DCHS2: variants seen among roughly 807,000 people sequenced by gnomAD.
The protein encoded by DCHS2 is dachsous cadherin-related 2, also known as protocadherin-23.
DCHS2 carries 142 observed loss-of-function variants against 182.4 expected under a neutral mutation model. That is an observed-to-expected ratio of 0.78 (90% CI 0.68 to 0.89). The LOEUF (loss-of-function observed/expected upper bound fraction) is 0.89, where lower values mean the gene tolerates loss of function less well. Among genes scored for constraint, DCHS2 ranks in the 40% least tolerant of loss-of-function variants. The probability of loss-of-function intolerance (pLI) is 0.00; values close to 1 mark genes in which losing one functional copy is unlikely to be tolerated. For missense variants in DCHS2, 4,319 were observed against 4,198.6 expected, an observed-to-expected ratio of 1.03 and a Z score of -0.79; for synonymous variants, 1,740 against 1,663.3, an observed-to-expected ratio of 1.05 and a Z score of -1.12.
At chr4:154,350,378 T>G (rs951376830) in intron 3 of DCHS2, among the ~76,000 whole-genome samples, 1 of 152,170 alleles carries the variant, frequency 6.6e-6, no homozygotes, top group African/African-American at 2.4e-5. Flanking sequence ...ACTACATAAT[T>G]AAAGAACAAT....
At chr4:154,377,162 C>CA (rs1219671639) in intron 2 of DCHS2, 91 bp downstream of exon 2, 1 of 1,267,500 alleles carries the variant, frequency 7.9e-7, no homozygotes, top group Non-Finnish European at 1.1e-6. Context: ...CAGAATGACC[C>CA]AATTGTTGAT....
chr4:154,285,569 T>C (rs1335029358), intron 13 of DCHS2, among the ~76,000 whole-genome samples: 1 of 152,202 alleles, frequency 6.6e-6, no homozygotes, highest in African/African-American at 2.4e-5. Context: ...CCTTTGGCCT[T>C]GAGTGAACAT....
intron 3 of DCHS2, among the ~76,000 whole-genome samples, chr4:154,362,178 T>C (rs1438859997): frequency 6.6e-6 from 1 of 152,118 alleles, no homozygotes; most frequent in Non-Finnish European, 1.5e-5. Flanking sequence ...ACAGGTATTC[T>C]GGAAGAGAAT....
intron 1 of DCHS2, among the ~76,000 whole-genome samples, chr4:154,397,039 A>G (rs1489924989): frequency 1.3e-5 from 2 of 152,228 alleles, no homozygotes; most frequent in Non-Finnish European, 2.9e-5. Context: ...AGCCTGAGCA[A>G]AAAGTAAGAC....
At chr4:154,316,559 G>T (rs902878504) in intron 9 of DCHS2, among the ~76,000 whole-genome samples, 4 of 152,132 alleles carry the variant, frequency 2.6e-5, no homozygotes, top group Admixed American at 1.3e-4. Context: ...AAGGCAGGAG[G>T]ATCACTTGAG....
chr4:154,458,047 T>C (rs940414660), intron 1 of DCHS2, among the ~76,000 whole-genome samples: 4 of 152,202 alleles, frequency 2.6e-5, no homozygotes, highest in Admixed American at 2.6e-4. Context: ...TAGAAATAAA[T>C]GTTAATTCGG....
At chr4:154,252,985 A>ACAT in intron 16 of DCHS2, among the ~76,000 whole-genome samples, 1 of 151,766 alleles carries the variant, frequency 6.6e-6, no homozygotes, top group Admixed American at 6.6e-5. Flanking sequence ...TGTTTCCAGA[A>ACAT]CATTCACTAA....
At chr4:154,301,387 C>G (rs545423401) in intron 12 of DCHS2, among the ~76,000 whole-genome samples, 6 of 152,302 alleles carry the variant, frequency 3.9e-5, no homozygotes, top group African/African-American at 1.4e-4. Context: ...AACAATACTT[C>G]CATTTTTAAA....
chr4:154,432,494 A>G (rs1733600086), intron 1 of DCHS2, among the ~76,000 whole-genome samples: 1 of 152,228 alleles, frequency 6.6e-6, no homozygotes, highest in Admixed American at 6.5e-5. Context: ...AGGAAATAAT[A>G]GGAGTTAAAG....
intron 12 of DCHS2, among the ~76,000 whole-genome samples, chr4:154,303,914 C>T (rs1233214634): frequency 6.6e-6 from 1 of 152,010 alleles, no homozygotes; most frequent in Non-Finnish European, 1.5e-5. Flanking sequence ...TTCCTTATTC[C>T]CTTTGTGTGT....
chr4:154,391,418 G>A lies in DCHS2; in HGVS notation c.2053-13974C>T, dbSNP rs1210677965. Reference sequence around the variant, plus strand: ...CATGACTTTCCACTTGCAGCATAAAGAAAGCGTTCAAAACTAAAAATAGGC... The same window carrying A: ...CATGACTTTCCACTTGCAGCATAAAAAAAGCGTTCAAAACTAAAAATAGGC... On this transcript the variant is annotated intron_variant, in intron 1 of 19. Transcript: ENST00000357232. 7 of 1,381,800 alleles carry A rather than the reference G, an allele frequency of 5.1e-6. No homozygotes were observed. In the African/African-American group the frequency reaches 8.8e-5, roughly 17 times the overall value. 85.6% of individuals were successfully genotyped at this position (1,381,800 alleles called of 1,614,324 possible).
intron 1 of DCHS2, among the ~76,000 whole-genome samples, chr4:154,458,452 C>A (rs1265809230): frequency 6.6e-6 from 1 of 152,126 alleles, no homozygotes; most frequent in African/African-American, 2.4e-5. Context: ...TTCTCTTGTT[C>A]ATTATATCAT....
chr4:154,328,165 A>G lies in DCHS2; in HGVS notation c.3946T>C (p.Leu1316=), dbSNP rs1736366265. The G allele has an allele frequency of 1.9e-6, 3 of 1,608,488 alleles. No individual in the cohort carries two copies. Among genetic ancestry groups the G allele is most frequent in the East Asian group, 4.5e-5 (2 of 44,624 alleles). ...KVLEGQPVNM[L]VTTVFAKDPD... ...TCCTTTGCAAACACAGTTGTAACCA[A>G]CATATTTACTGGTTGACCTTCCAGA... Residue 1316 remains leucine (L), a synonymous_variant, in exon 7 of 20, where the codon TTG becomes CTG. Transcript: ENST00000357232.
At chr4:154,364,241 C>T (rs1057001593) in intron 3 of DCHS2, among the ~76,000 whole-genome samples, 1 of 152,174 alleles carries the variant, frequency 6.6e-6, no homozygotes, top group Non-Finnish European at 1.5e-5. Context: ...AGTCTGGCTT[C>T]GGCCAGGACA....
In DCHS2 at chr4:154,232,748, A is replaced by G. The variant is rs1731252533; in HGVS notation, c.*1788T>C. On this transcript the variant is annotated 3_prime_UTR_variant, in exon 20 of 20. Coordinates refer to ENST00000357232, the MANE Select transcript of DCHS2 (RefSeq NM_001358235.2). ...ATATGTGTGGGTTTTTTTTTTACAT[A>G]AGTCATGAAATCTTCTTCCCCAGAT... The G allele has an allele frequency of 6.6e-6, 1 of 151,920 alleles. No homozygotes were observed. The highest frequency in any genetic ancestry group is 2.1e-4 in the South Asian group (1 of 4,832). 9.4% of individuals were successfully genotyped at this position (151,920 alleles called of 1,614,324 possible).
chr4:154,353,460 G>A (rs866512708), intron 3 of DCHS2, among the ~76,000 whole-genome samples: 1 of 152,192 alleles, frequency 6.6e-6, no homozygotes, highest in African/African-American at 2.4e-5. Context: ...CCAACCATAT[G>A]TTGTGTATAA....
chr4:154,408,419 T>C (rs1732487456), intron 1 of DCHS2, among the ~76,000 whole-genome samples: 1 of 152,240 alleles, frequency 6.6e-6, no homozygotes, highest in South Asian at 2.1e-4. Flanking sequence ...ATAATTTGTA[T>C]ATGTTGACCA....
chr4:154,253,288 G>A (rs1732479113), intron 16 of DCHS2, among the ~76,000 whole-genome samples: 1 of 151,998 alleles, frequency 6.6e-6, no homozygotes, highest in East Asian at 1.9e-4. Context: ...CAAGCCTAGA[G>A]TTAAATTCTT....
chr4:154,342,494 G>T (rs1729154437), intron 3 of DCHS2, among the ~76,000 whole-genome samples: 1 of 152,130 alleles, frequency 6.6e-6, no homozygotes, highest in African/African-American at 2.4e-5. Context: ...AATCCTCCTA[G>T]GCCCTACTGA....
Sources: gnomAD v4.1 joint callset for allele counts (sites outside exome capture counted in the v4.1 genomes callset) on GRCh38, gnomAD v4.1.1 for gene constraint, MANE v1.5 for transcripts, NCBI Gene and HGNC (gene_info 2026-07-23, HGNC 2026-07-21) for gene names.